Variants in TRPV3 observed in about 807,000 individuals in gnomAD.
TRPV3 encodes transient receptor potential cation channel subfamily V member 3.
In TRPV3, 88 loss-of-function variants were observed where a neutral mutation model predicts 87.1. That is an observed-to-expected ratio of 1.01 (90% CI 0.85 to 1.21). The LOEUF (loss-of-function observed/expected upper bound fraction) is 1.21, where lower values mean the gene tolerates loss of function less well. Among genes scored for constraint, TRPV3 ranks in the 50% most tolerant of loss-of-function variants. The probability of loss-of-function intolerance (pLI) is 0.00; values close to 1 mark genes in which losing one functional copy is unlikely to be tolerated. For synonymous variants in TRPV3, 438 were observed against 423.3 expected (o/e 1.03, Z -0.43); for missense variants, 1,054 against 1,030.1 (o/e 1.02, Z -0.32).
chr17:3,544,445 G>A, intron 4 of TRPV3, 134 bp downstream of exon 4: 1 of 590,396 alleles, frequency 1.7e-6, no homozygotes, highest in East Asian at 3.1e-5. Flanking sequence ...ACATGCCATG[G>A]ACCCATGACT....
intron 6 of TRPV3, among the ~76,000 whole-genome samples, chr17:3,536,709 C>T (rs547207464): frequency 2.6e-5 from 4 of 152,166 alleles, no homozygotes; most frequent in African/African-American, 9.7e-5. Flanking sequence ...CTTCAGGATG[C>T]CCGGCTGGGA....
At chr17:3,526,493 A>G (rs1192293275) in intron 12 of TRPV3, among the ~76,000 whole-genome samples, 3 of 151,658 alleles carry the variant, frequency 2.0e-5, no homozygotes, top group Non-Finnish European at 4.4e-5. Flanking sequence ...AAAAAAAAAA[A>G]ACAACAACGT....
At position 3,530,185 on chromosome 17, in the gene TRPV3, T is replaced by G. The variant is rs376479198; in HGVS notation, c.1084A>C (p.Ser362Arg). 7 of 1,612,952 alleles carry G rather than the reference T, an allele frequency of 4.3e-6. No individual in the cohort carries two copies. The highest frequency in any genetic ancestry group is 4.2e-6 in the Non-Finnish European group (5 of 1,179,384). Reference sequence around the variant, plus strand: ...AGCCGCTTCTCCTTGATCTCACGACTGAGGATGTACTTCAGGATCTGGGAC... The same window carrying G: ...AGCCGCTTCTCCTTGATCTCACGACGGAGGATGTACTTCAGGATCTGGGAC... ...GKAEILKYIL[S>R]REIKEKRLRS... The change falls in exon 9 of 18, where the codon AGT (serine) becomes CGT (arginine). Residue 362 changes from serine to arginine, a missense_variant. Transcript: ENST00000576742. The surrounding 1 kb of genome is among the most constrained non-coding windows in gnomAD (Gnocchi z 4.0).
Position 3,526,891 on chromosome 17 carries a change from G to A in TRPV3, c.1540C>T (p.Gln514Ter). 1.9e-6 allele frequency: 3 copies of A among 1,612,320 alleles called. No homozygotes were observed. The highest frequency in any genetic ancestry group is 1.1e-5 in the South Asian group (1 of 90,432). The change falls in exon 12 of 18, where the codon CAG (glutamine) becomes TAG (stop). Residue 514 changes from glutamine (Q) to a stop codon, truncating the protein, a stop_gained. Coordinates refer to ENST00000576742, the MANE Select transcript of TRPV3 (RefSeq NM_145068.4). LOFTEE classifies it high-confidence loss of function. ...AIFLLRPSDL[Q>*]SILSDAWFHF... ...AACCAGGCATCCGAGAGGATGGACT[G>A]CAGATCCGAGGGTCTCAGCAGGAAG... is the stretch of plus-strand genomic sequence containing the variant.
intron 2 of TRPV3, among the ~76,000 whole-genome samples, chr17:3,547,288 G>C (rs1455746371): frequency 6.6e-6 from 1 of 152,214 alleles, no homozygotes; most frequent in African/African-American, 2.4e-5. Context: ...CCGCTGATCA[G>C]CACTTGTGCT....
chr17:3,546,053 T>C (rs1447720148), intron 2 of TRPV3, among the ~76,000 whole-genome samples: 1 of 151,644 alleles, frequency 6.6e-6, no homozygotes, highest in Admixed American at 6.6e-5. Context: ...GAGGCTTCGA[T>C]TCTGCTTACT....
rs773611066 is a variant in TRPV3, at chr17:3,530,506, C to T, written c.1066-303G>A. ...AAATGCCTCACGCCAGCTGGGGACC[C>T]GGTTCGGTGAAAAATCCAGGCACTG... On this transcript the variant is annotated intron_variant, in intron 8 of 17. Coordinates refer to ENST00000576742, the MANE Select transcript of TRPV3 (RefSeq NM_145068.4). This position sits in a 1 kb window ranked among gnomAD's most constrained non-coding sequence, Gnocchi z 4.0. Among the ~76,000 whole-genome samples, 7 of 152,150 alleles carry T rather than the reference C, an allele frequency of 4.6e-5. No individual in the cohort carries two copies. Among genetic ancestry groups the T allele is most frequent in the Admixed American group, 2.6e-4 (4 of 15,276 alleles).
At chr17:3,544,958 G>A (rs544963514) in intron 3 of TRPV3, among the ~76,000 whole-genome samples, 3 of 152,198 alleles carry the variant, frequency 2.0e-5, no homozygotes, top group Admixed American at 1.3e-4. Context: ...AGGCTGCAGT[G>A]AGCTGAGATT....
chr17:3,521,146 T>G, intron 13 of TRPV3, 107 bp from the exon 14 acceptor site: 1 of 462,022 alleles, frequency 2.2e-6, no homozygotes. Context: ...AACTGTCTCT[T>G]CACTTGGGCC....
chr17:3,544,475 G>T, intron 4 of TRPV3, 104 bp downstream of exon 4: 1 of 697,922 alleles, frequency 1.4e-6, no homozygotes, highest in African/African-American at 1.8e-5. Flanking sequence ...CCAATCCCCA[G>T]GAATGGTGGA....
chr17:3,531,904 C>A (rs2074352372), intron 8 of TRPV3, among the ~76,000 whole-genome samples: 1 of 152,184 alleles, frequency 6.6e-6, no homozygotes, highest in Non-Finnish European at 1.5e-5. Context: ...AGGCGGGTAC[C>A]CTGAGGCTGG....
intron 12 of TRPV3, among the ~76,000 whole-genome samples, 177 bp downstream of exon 12, chr17:3,526,677 G>A (rs576402890): frequency 2.0e-5 from 3 of 152,242 alleles, no homozygotes; most frequent in Admixed American, 2.0e-4. Context: ...TTCTCCATGG[G>A]CATTTACGTG....
At chr17:3,527,371 C>T (rs59749018) in intron 11 of TRPV3, among the ~76,000 whole-genome samples, 21,975 of 152,148 alleles carry the variant, frequency 0.14, 2,210 homozygotes, top group East Asian at 0.44. Context: ...TTCCCTGTCC[C>T]CAGATAAAAG....
In TRPV3 at chr17:3,528,370, A is replaced by G. The variant is rs1242619517; in HGVS notation, c.1402-244T>C. ...TCCAATCCGTGCTAACAACCCTCAC[A>G]CTCCATTGCAATAGCCTTTCCGGAA... On this transcript the variant is annotated intron_variant, in intron 10 of 17. Transcript: ENST00000576742. This position sits in a 1 kb window ranked among gnomAD's most constrained non-coding sequence, Gnocchi z 4.2. 6.6e-6 allele frequency among the ~76,000 whole-genome samples: 1 copy of G among 151,870 alleles called. No homozygotes were observed. The highest frequency in any genetic ancestry group is 1.9e-4 in the East Asian group (1 of 5,170).
At position 3,546,249 on chromosome 17, in the gene TRPV3, C is replaced by T. The variant is rs368932070; in HGVS notation, c.120-978G>A. On this transcript the variant is annotated intron_variant, in intron 2 of 17. Coordinates refer to ENST00000576742, the MANE Select transcript of TRPV3 (RefSeq NM_145068.4). ...CTGAGGTCGGGAGTTCGAGACCAGC[C>T]TGACCAATATGGAGAAACCCCGTCT... Among the ~76,000 whole-genome samples, 31 of 152,130 alleles carry T rather than the reference C, an allele frequency of 2.0e-4. No individual in the cohort carries two copies. The East Asian group carries it at 3.1e-3, about 15-fold the overall frequency.
chr17:3,550,433 T>C (rs2074562805), intron 2 of TRPV3, among the ~76,000 whole-genome samples: 1 of 151,718 alleles, frequency 6.6e-6, no homozygotes, highest in Admixed American at 6.6e-5. Context: ...CACTCCATAG[T>C]GTCCTCGTGC....
At chr17:3,527,592 A>T (rs2074310900) in intron 11 of TRPV3, 2 of 234,084 alleles carry the variant, frequency 8.5e-6, no homozygotes, top group Middle Eastern at 1.6e-3. Context: ...GATGGATGGA[A>T]GGATGGATGG....
At chr17:3,531,796 A>T (rs1397655865) in intron 8 of TRPV3, among the ~76,000 whole-genome samples, 1 of 152,110 alleles carries the variant, frequency 6.6e-6, no homozygotes. Context: ...GCCGTTCTCC[A>T]TCTCCTCCTC....
chr17:3,542,063 T>C (rs975855314), intron 6 of TRPV3, among the ~76,000 whole-genome samples: 3 of 152,136 alleles, frequency 2.0e-5, no homozygotes, highest in African/African-American at 4.8e-5. Context: ...TTCAGGTGAT[T>C]CTCCTGCCTC....
Sources: allele counts gnomAD v4.1 joint callset (sites outside exome capture counted in the v4.1 genomes callset), GRCh38; gene constraint gnomAD v4.1.1; non-coding constraint Gnocchi (gnomAD v3.1); transcripts MANE v1.5; gene names NCBI Gene and HGNC (gene_info 2026-07-23, HGNC 2026-07-21).